TIAM1: variants seen among roughly 807,000 people sequenced by gnomAD.
TIAM1 encodes the protein TIAM Rac1 associated GEF 1, also known as rho guanine nucleotide exchange factor TIAM1.
In TIAM1, 65 loss-of-function variants were observed where a neutral mutation model predicts 163.5. The ratio of observed to expected loss-of-function variants is 0.40; its 90% CI spans 0.33 to 0.49. The LOEUF (loss-of-function observed/expected upper bound fraction) is 0.49, where lower values mean the gene tolerates loss of function less well. Ranked by LOEUF, TIAM1 falls within the 20% of genes least tolerant of loss-of-function variation. TIAM1 has a pLI of 0.77. For missense variants in TIAM1, 1,789 were observed against 2,044.7 expected (o/e 0.87, Z 2.41); for synonymous variants, 833 against 810.1 (o/e 1.03, Z -0.48).
intron 1 of TIAM1, among the ~76,000 whole-genome samples, chr21:31,502,684 G>A (rs150650692): frequency 6.6e-6 from 1 of 152,294 alleles, no homozygotes; most frequent in Non-Finnish European, 1.5e-5. Context: ...TAGATCATCC[G>A]TCTTGAGTTT....
chr21:31,259,139 C>CTTT (rs11381586), intron 4 of TIAM1, among the ~76,000 whole-genome samples: 5 of 150,224 alleles, frequency 3.3e-5, no homozygotes, highest in African/African-American at 7.4e-5. Flanking sequence ...TTTTTTTTTC[C>CTTT]TTTTTCTTTT....
At chr21:31,273,869 C>T (rs1601788563) in intron 3 of TIAM1, among the ~76,000 whole-genome samples, 1 of 152,168 alleles carries the variant, frequency 6.6e-6, no homozygotes, top group African/African-American at 2.4e-5. Flanking sequence ...TAATGAGAAA[C>T]TTAACTGCTT....
At chr21:31,259,849 G>C (rs557249624) in intron 4 of TIAM1, among the ~76,000 whole-genome samples, 1 of 152,024 alleles carries the variant, frequency 6.6e-6, no homozygotes, top group African/African-American at 2.4e-5. Context: ...GGTATGAGAC[G>C]CTAGTGTCTT....
intron 6 of TIAM1, among the ~76,000 whole-genome samples, chr21:31,240,194 T>A (rs2071092302): frequency 6.6e-6 from 1 of 152,236 alleles, no homozygotes; most frequent in Non-Finnish European, 1.5e-5. Context: ...TCCTGGTGAA[T>A]GCCATCAACA....
At chr21:31,543,553 T>A (rs1223129479) in intron 1 of TIAM1, among the ~76,000 whole-genome samples, 2 of 152,032 alleles carry the variant, frequency 1.3e-5, no homozygotes, top group Non-Finnish European at 2.9e-5. Context: ...CGACTTCAAG[T>A]CACGGAGGAA....
chr21:31,493,377 A>G (rs1296652108), intron 1 of TIAM1, among the ~76,000 whole-genome samples: 2 of 152,240 alleles, frequency 1.3e-5, no homozygotes, highest in Non-Finnish European at 2.9e-5. Context: ...ATAGCTTTAA[A>G]TGAGGAAGAG....
chr21:31,120,498 C>T lies in TIAM1; in HGVS notation c.4646G>A (p.Arg1549His), dbSNP rs143032407. ...GRKTLDSHAS[R>H]MAQLKKQAAL... ...AGCTTGCTTCTTGAGCTGTGCCATG[C>T]GGGACGCGTGACTATCCAGGGTTTT... The change falls in exon 28 of 28, where the codon CGC becomes CAC. Residue 1549 changes from arginine (R) to histidine (H), a missense_variant. By Grantham distance (29) the Arg-to-His change is conservative. Around this residue, in one of 5 missense-constraint regions of TIAM1, gnomAD observed 415 missense variants for 439.2 expected, o/e 0.94. Coordinates refer to ENST00000541036, the MANE Select transcript of TIAM1 (RefSeq NM_001353694.2). This position sits in a 1 kb window ranked among gnomAD's most constrained non-coding sequence, Gnocchi z 4.2. 18 of 1,614,208 alleles carry T rather than the reference C, an allele frequency of 1.1e-5. No individual in the cohort carries two copies. The highest frequency in any genetic ancestry group is 1.1e-4 in the East Asian group (5 of 44,862).
intron 2 of TIAM1, chr21:31,452,545 G>A (rs528066643): frequency 1.3e-5 from 8 of 602,692 alleles, no homozygotes; most frequent in South Asian, 1.0e-4. Flanking sequence ...GGTGTTCTCC[G>A]AGGGACACCT....
At chr21:31,373,188 G>A (rs1190067188) in intron 2 of TIAM1, among the ~76,000 whole-genome samples, 3 of 152,212 alleles carry the variant, frequency 2.0e-5, no homozygotes, top group Non-Finnish European at 2.9e-5. Context: ...TACTCAGGAG[G>A]CTGAAGCAGG....
At chr21:31,253,876 A>T (rs2071949939) in intron 4 of TIAM1, among the ~76,000 whole-genome samples, 1 of 152,144 alleles carries the variant, frequency 6.6e-6, no homozygotes, top group South Asian at 2.1e-4. Context: ...ATCAACCCAC[A>T]TTTCTCCTTG....
chr21:31,409,472 C>G (rs779533876), intron 2 of TIAM1, among the ~76,000 whole-genome samples: 2 of 152,192 alleles, frequency 1.3e-5, no homozygotes, highest in Non-Finnish European at 2.9e-5. Flanking sequence ...TGCCCCTCCA[C>G]CCCACCTCCT....
intron 2 of TIAM1, among the ~76,000 whole-genome samples, chr21:31,331,768 G>T (rs1376436255): frequency 6.6e-6 from 1 of 152,184 alleles, no homozygotes. Context: ...AAGCCTGGTG[G>T]ATACACAGAC....
At chr21:31,211,487 G>C (rs1187363217) in intron 10 of TIAM1, among the ~76,000 whole-genome samples, 3 of 152,144 alleles carry the variant, frequency 2.0e-5, no homozygotes, top group Non-Finnish European at 4.4e-5. Flanking sequence ...AACAAGGCTG[G>C]TATCAGCAAA....
chr21:31,169,935 T>C (rs1044268960), intron 15 of TIAM1, among the ~76,000 whole-genome samples: 7 of 152,144 alleles, frequency 4.6e-5, no homozygotes, highest in African/African-American at 1.4e-4. Flanking sequence ...AAATAGATTA[T>C]ACAGGTTGAA....
rs769238174 is a variant in TIAM1, at chr21:31,225,927, T to G, written c.1608A>C (p.Glu536Asp). Residue 536 changes from glutamate (E) to aspartate (D), a missense_variant, in exon 7 of 28, where the codon GAA becomes GAC. Physicochemically the swap from Glu to Asp is conservative, Grantham distance 45 (BLOSUM62 2). This residue lies in a region of TIAM1 where 456 missense variants were observed against 586.6 expected (regional missense o/e 0.78). Transcript: ENST00000541036. Reference protein sequence around the residue: ...LFQTTSQTELENWITAIHSAC... With the variant: ...LFQTTSQTELDNWITAIHSAC... ...CAGAGTGGATGGCGGTGATCCAGTT[T>G]TCAAGCTCCGTCTGGCTAGTGGTCT... 1.2e-5 allele frequency: 19 copies of G among 1,614,022 alleles called. No individual in the cohort carries two copies. Among genetic ancestry groups the G allele is most frequent in the Non-Finnish European group, 1.5e-5 (18 of 1,180,026 alleles).
At chr21:31,453,627 A>C (rs1486553119) in intron 2 of TIAM1, among the ~76,000 whole-genome samples, 46 of 152,122 alleles carry the variant, frequency 3.0e-4, no homozygotes, top group Non-Finnish European at 5.9e-5. Context: ...CAGGAGGCAG[A>C]GGTTGCAGTG....
chr21:31,453,763 A>T (rs1431300052), intron 2 of TIAM1, among the ~76,000 whole-genome samples: 1 of 149,816 alleles, frequency 6.7e-6, no homozygotes, highest in African/African-American at 2.4e-5. Context: ...AAGAAAGTGC[A>T]GTAGAATGAA....
chr21:31,213,594 T>C, intron 9 of TIAM1, 122 bp from the exon 10 acceptor site: 1 of 781,258 alleles, frequency 1.3e-6, no homozygotes, highest in Non-Finnish European at 2.2e-6. Context: ...CAGATACTCC[T>C]ACATCAAATC....
At chr21:31,319,568 G>C (rs2075242228) in intron 2 of TIAM1, among the ~76,000 whole-genome samples, 1 of 151,992 alleles carries the variant, frequency 6.6e-6, no homozygotes, top group Admixed American at 6.6e-5. Context: ...CATGAGGTCA[G>C]GAGATCGAGA....
Sources: allele counts gnomAD v4.1 joint callset (sites outside exome capture counted in the v4.1 genomes callset), GRCh38; gene constraint gnomAD v4.1.1; regional missense constraint gnomAD v4.1.1; non-coding constraint Gnocchi (gnomAD v3.1); transcripts MANE v1.5; gene names NCBI Gene and HGNC (gene_info 2026-07-23, HGNC 2026-07-21).